Variants in ACAD10 observed in about 807,000 individuals in gnomAD.
The protein encoded by ACAD10 is ACAD-10.
ACAD10 carries 112 observed loss-of-function variants against 116.8 expected under a neutral mutation model. The ratio of observed to expected loss-of-function variants is 0.96; its 90% CI spans 0.82 to 1.12. The LOEUF (loss-of-function observed/expected upper bound fraction) is 1.12, where lower values mean the gene tolerates loss of function less well. Among genes scored for constraint, ACAD10 ranks in the 50% most tolerant of loss-of-function variants. The pLI, the probability that ACAD10 is intolerant of heterozygous loss-of-function variation, is 0.00. For synonymous variants in ACAD10, 486 were observed against 510.6 expected (o/e 0.95, Z 0.65); for missense variants, 1,259 against 1,350.2 (o/e 0.93, Z 1.06).
intron 6 of ACAD10, 79 bp downstream of exon 6, chr12:111,712,736 T>C (rs1022645014): frequency 6.9e-7 from 1 of 1,453,880 alleles, no homozygotes; most frequent in Non-Finnish European, 9.5e-7. Flanking sequence ...TCAACCCTAA[T>C]GGAATGGGCT....
chr12:111,710,605 G>A (rs779861397), intron 5 of ACAD10, among the ~76,000 whole-genome samples: 3 of 150,868 alleles, frequency 2.0e-5, no homozygotes, highest in South Asian at 2.1e-4. Flanking sequence ...AGCAATTCTC[G>A]TGTGTCAGCC....
At position 111,729,747 on chromosome 12, in the gene ACAD10, TCCGC is replaced by T; in HGVS notation, c.1244-58_1244-55del. On this transcript the variant is annotated intron_variant, in intron 9 of 20. Coordinates refer to ENST00000313698, the MANE Select transcript of ACAD10 (RefSeq NM_025247.6). The stretch of plus-strand genomic sequence containing the variant: ...GGGTTTCACTGCACTGGTTTTTTTT[TCCGC>T]TACTTTCAGAGGTTGCTGAAATTGC... 4 of 1,583,084 alleles carry T rather than the reference TCCGC, an allele frequency of 2.5e-6. No individual in the cohort carries two copies. In the Admixed American group the frequency reaches 5.2e-5, roughly 20 times the overall value.
chr12:111,754,661 C>T (rs897471979), intron 19 of ACAD10, among the ~76,000 whole-genome samples: 4 of 152,176 alleles, frequency 2.6e-5, no homozygotes, highest in Non-Finnish European at 4.4e-5. Context: ...TTGACGCTGG[C>T]GTGCTAGATA....
rs1028915853 is a variant in ACAD10, at chr12:111,747,358, A to G, written c.2458A>G (p.Ile820Val). The G allele has an allele frequency of 1.3e-5, 21 of 1,614,054 alleles. No individual in the cohort carries two copies. The highest frequency in any genetic ancestry group is 1.7e-5 in the Non-Finnish European group (20 of 1,180,038). Residue 820 changes from isoleucine to valine, a missense_variant, in exon 16 of 21, where the codon ATA becomes GTA. Coordinates refer to ENST00000313698, the MANE Select transcript of ACAD10 (RefSeq NM_025247.6). The part of the protein sequence containing the change: ...SIREEDSFYV[I>V]NGHKWWITGI... Reference sequence around the variant, plus strand: ...CAGAGAGGAGGACAGCTTCTATGTCATAAACGGTCACAAATGGTGGATCAC... The same window carrying G: ...CAGAGAGGAGGACAGCTTCTATGTCGTAAACGGTCACAAATGGTGGATCAC...
At chr12:111,734,285 G>A (rs1437353342) in intron 11 of ACAD10, among the ~76,000 whole-genome samples, 1 of 152,224 alleles carries the variant, frequency 6.6e-6, no homozygotes, top group South Asian at 2.1e-4. Flanking sequence ...TATAGGTACC[G>A]CTTATGCTTT....
At chr12:111,686,998 T>G (rs182967382) in intron 1 of ACAD10, among the ~76,000 whole-genome samples, 1 of 152,352 alleles carries the variant, frequency 6.6e-6, no homozygotes, top group Non-Finnish European at 1.5e-5. Flanking sequence ...AATGGAATTA[T>G]GTATATGGAG....
At chr12:111,738,661 A>G (rs1008152820) in intron 12 of ACAD10, among the ~76,000 whole-genome samples, 4 of 151,590 alleles carry the variant, frequency 2.6e-5, no homozygotes, top group Non-Finnish European at 4.4e-5. Flanking sequence ...GAGGTTAGGG[A>G]TTCAAGACCA....
chr12:111,688,881 T>C (rs1404149343), intron 1 of ACAD10, among the ~76,000 whole-genome samples: 4 of 151,078 alleles, frequency 2.6e-5, no homozygotes, highest in African/African-American at 7.3e-5. Context: ...AAGATATGAG[T>C]TAAGTAATCC....
Position 111,756,680 on chromosome 12 carries a change from G to T in ACAD10, c.*207G>T. ...CCTGGAGTCTGTTTCAGGCCAGGAG[G>T]AGGGGATTTGCTGAGGGCCAAGGGG... On this transcript the variant is annotated 3_prime_UTR_variant, in exon 21 of 21. Transcript: ENST00000313698. The T allele has an allele frequency of 1.1e-6, 1 of 876,286 alleles. No homozygotes were observed. Among genetic ancestry groups the T allele is most frequent in the Non-Finnish European group, 1.8e-6 (1 of 549,094 alleles). The allele number at this position is 876,286 out of a possible 1,614,324, so 54.3% of individuals were successfully genotyped here.
At chr12:111,696,689 G>C (rs1202933136) in intron 2 of ACAD10, among the ~76,000 whole-genome samples, 1 of 152,122 alleles carries the variant, frequency 6.6e-6, no homozygotes, top group Non-Finnish European at 1.5e-5. Context: ...GCACAACAAA[G>C]AATTCAAAGT....
At chr12:111,752,055 T>C (rs1890086349) in intron 18 of ACAD10, among the ~76,000 whole-genome samples, 1 of 132,934 alleles carries the variant, frequency 7.5e-6, no homozygotes, top group Non-Finnish European at 1.6e-5. Context: ...CGATACTCTG[T>C]CTCAAAAAAA....
At position 111,714,887 on chromosome 12, in the gene ACAD10, AT is replaced by A. The variant is rs1224401847; in HGVS notation, c.851-929del. 1.5e-4 allele frequency among the ~76,000 whole-genome samples: 23 copies of A among 151,680 alleles called. 1 individual carries two copies. In the South Asian group the frequency reaches 4.8e-3, roughly 32 times the overall value. ...ACTACCATGCCTGGCTAATTTTTGTATTTTTAGTAGTAGAGACGGGGTTTCA... is the reference window on the plus strand; with the variant it reads ...ACTACCATGCCTGGCTAATTTTTGTATTTTAGTAGTAGAGACGGGGTTTCA... On this transcript the variant is annotated intron_variant, in intron 6 of 20. Coordinates refer to ENST00000313698, the MANE Select transcript of ACAD10 (RefSeq NM_025247.6).
chr12:111,711,160 C>G (rs1201029702), intron 5 of ACAD10, among the ~76,000 whole-genome samples: 1 of 152,168 alleles, frequency 6.6e-6, no homozygotes, highest in East Asian at 1.9e-4. Context: ...ATAGTAACTT[C>G]TTTTAGAAGC....
chr12:111,698,785 C>T (rs1244882563), intron 2 of ACAD10, among the ~76,000 whole-genome samples: 3 of 152,058 alleles, frequency 2.0e-5, no homozygotes, highest in Admixed American at 6.6e-5. Context: ...CGGTCATAAC[C>T]GTTTATCTGT....
chr12:111,700,680 A>G (rs1436150602), intron 2 of ACAD10, among the ~76,000 whole-genome samples: 2 of 150,856 alleles, frequency 1.3e-5, no homozygotes, highest in Non-Finnish European at 2.9e-5. Flanking sequence ...GATTGTTAAC[A>G]TTAGTTATTT....
intron 8 of ACAD10, among the ~76,000 whole-genome samples, chr12:111,723,440 T>C (rs1203361639): frequency 5.4e-4 from 47 of 87,820 alleles, no homozygotes; most frequent in East Asian, 1.2e-3. Flanking sequence ...GCCTCCCTCC[T>C]GGACGGGGCA....
chr12:111,694,166 C>G (rs961844340), intron 2 of ACAD10, among the ~76,000 whole-genome samples: 20 of 152,192 alleles, frequency 1.3e-4, no homozygotes, highest in Non-Finnish European at 2.6e-4. Flanking sequence ...CACTGCTGAC[C>G]AAATTACTCA....
chr12:111,686,208 G>T lies in ACAD10; in HGVS notation c.-45G>T, dbSNP rs928948495. 6.5e-6 allele frequency: 1 copy of T among 153,400 alleles called. No individual in the cohort carries two copies. Among genetic ancestry groups the T allele is most frequent in the African/African-American group, 2.4e-5 (1 of 41,518 alleles). The allele number at this position is 153,400 out of a possible 1,614,324, so 9.5% of individuals were successfully genotyped here. ...CAGAGGCCTCGTCCTAATCCACCTC[G>T]GCTGACGGCGCGGGATCCCTGGCTC... On this transcript the variant is annotated 5_prime_UTR_variant, in exon 1 of 21. Coordinates refer to ENST00000313698, the MANE Select transcript of ACAD10 (RefSeq NM_025247.6).
chr12:111,696,462 T>C (rs2135944941), intron 2 of ACAD10, among the ~76,000 whole-genome samples: 1 of 152,322 alleles, frequency 6.6e-6, no homozygotes, highest in South Asian at 2.1e-4. Context: ...GTGAAAATTA[T>C]GTGAAGTTCA....
Sources: allele counts gnomAD v4.1 joint callset (sites outside exome capture counted in the v4.1 genomes callset), GRCh38; gene constraint gnomAD v4.1.1; transcripts MANE v1.5; gene names NCBI Gene and HGNC (gene_info 2026-07-23, HGNC 2026-07-21).